MAMLD1: variants seen among roughly 807,000 people sequenced by gnomAD.
MAMLD1 encodes the protein mastermind like domain containing 1.
In MAMLD1, 14 loss-of-function variants were observed where a neutral mutation model predicts 45.0. The observed-to-expected ratio is 0.31, with a 90% CI of 0.21 to 0.49. The LOEUF is 0.49. Among genes scored for constraint, MAMLD1 ranks in the 20% least tolerant of loss-of-function variants. MAMLD1 has a pLI of 0.99. For missense variants in MAMLD1, 543 were observed against 603.6 expected (o/e 0.90, Z 1.05); for synonymous variants, 254 against 247.8 (o/e 1.02, Z -0.24).
chrX:150,434,536 A>G (rs1557404199), intron 1 of MAMLD1, among the ~76,000 whole-genome samples: 1 of 111,185 alleles, frequency 9.0e-6, no homozygotes, highest in East Asian at 2.8e-4. Flanking sequence ...TAACTTTTTG[A>G]TGTGGACACT....
intron 5 of MAMLD1, among the ~76,000 whole-genome samples, chrX:150,487,033 G>A (rs2037012939): frequency 8.9e-6 from 1 of 111,785 alleles, no homozygotes; most frequent in South Asian, 3.8e-4. Context: ...CAGAGTTTCT[G>A]ACTCCACAGA....
intron 6 of MAMLD1, 47 bp from the exon 7 acceptor site, chrX:150,509,915 T>G (rs1557409038): frequency 2.1e-6 from 2 of 942,681 alleles, no homozygotes; most frequent in Non-Finnish European, 3.1e-6. Context: ...AGGCTAATTA[T>G]TAATTGGTAG....
Position 150,512,393 on chromosome X carries a change from CCCA to C in MAMLD1, c.*436_*438del. On this transcript the variant is annotated 3_prime_UTR_variant, in exon 8 of 8. Coordinates refer to ENST00000370401, the MANE Select transcript of MAMLD1 (RefSeq NM_005491.5). ...CAGACGGCCTAGTGTGCCAAGAATGCCCACTGCGTTCAACAATGCTGCATGGGT... is the reference window on the plus strand; with the variant it reads ...CAGACGGCCTAGTGTGCCAAGAATGCCTGCGTTCAACAATGCTGCATGGGT... 1 of 1,145,615 alleles carries C rather than the reference CCCA, an allele frequency of 8.7e-7. No homozygotes were observed. 94.4% of individuals were successfully genotyped at this position (1,145,615 alleles called of 1,213,427 possible).
chrX:150,510,480 T>C (rs1557409076), intron 7 of MAMLD1, among the ~76,000 whole-genome samples: 2 of 111,687 alleles, frequency 1.8e-5, no homozygotes, highest in Admixed American at 9.5e-5. Context: ...GGAAAAGGGG[T>C]TGGGGAGGCT....
At chrX:150,450,815 T>C (rs1226095090) in intron 2 of MAMLD1, among the ~76,000 whole-genome samples, 2 of 112,290 alleles carry the variant, frequency 1.8e-5, no homozygotes, top group African/African-American at 6.5e-5. Context: ...GAGACCTGAA[T>C]CTGTAATGTA....
rs782348328 is a variant in MAMLD1, at chrX:150,431,441, G to A, written c.-63-14013G>A. Among the ~76,000 whole-genome samples, 12 of 108,765 alleles carry A rather than the reference G, an allele frequency of 1.1e-4. No homozygotes were observed. In the East Asian group the frequency reaches 3.5e-3, roughly 31 times the overall value. 94.4% of individuals were successfully genotyped at this position (108,765 alleles called of 115,157 possible). A position where few individuals can be genotyped will look rare whatever the true frequency, so the allele number is the denominator to read the frequency against. On this transcript the variant is annotated intron_variant, in intron 1 of 7. Coordinates refer to ENST00000370401, the MANE Select transcript of MAMLD1 (RefSeq NM_005491.5). ...TTTTTAAAAAAAAATTAGGTCAAGG[G>A]GTACATGTGCGGGTTTGATATATAG...
At chrX:150,385,277 T>TACACACACACACACACAC (rs3066918) in intron 1 of MAMLD1, among the ~76,000 whole-genome samples, 4 of 94,047 alleles carry the variant, frequency 4.3e-5, no homozygotes, top group East Asian at 3.3e-4. Context: ...TGAACAATAC[T>TACACACACACACACACAC]ACACACACAC....
In MAMLD1 at chrX:150,470,585, C is replaced by T; in HGVS notation, c.1012C>T (p.Pro338Ser). ...WSGLPPPGLS[P>S]PYRPVPSPHP... The stretch of plus-strand genomic sequence containing the variant: ...TGGTCTGCCTCCTCCAGGACTCTCT[C>T]CACCTTACCGCCCAGTGCCATCACC... Residue 338 changes from proline to serine, a missense_variant, in exon 4 of 8, where the codon CCA (proline) becomes TCA (serine). Physicochemically the swap from Pro to Ser is moderately conservative, Grantham distance 74. Coordinates refer to ENST00000370401, the MANE Select transcript of MAMLD1 (RefSeq NM_005491.5). 3.3e-6 allele frequency: 4 copies of T among 1,211,838 alleles called. No homozygotes were observed. Among genetic ancestry groups the T allele is most frequent in the Middle Eastern group, 4.6e-4 (2 of 4,352 alleles).
Position 150,512,319 on chromosome X carries a change from G to C in MAMLD1, c.*360G>C, listed in dbSNP as rs1490266841. 2 of 1,127,932 alleles carry C rather than the reference G, an allele frequency of 1.8e-6. No homozygotes were observed. Among genetic ancestry groups the C allele is most frequent in the South Asian group, 4.2e-5 (2 of 48,163 alleles). The allele number at this position is 1,127,932 out of a possible 1,213,427, so 93.0% of individuals were successfully genotyped here. A position where few individuals can be genotyped will look rare whatever the true frequency, so the allele number is the denominator to read the frequency against. ...ACCCCACCAGAAGTGCCCCTGCCTG[G>C]GTTCTGTCCCAGCTCCCTGGGCACC... On this transcript the variant is annotated 3_prime_UTR_variant, in exon 8 of 8. Transcript: ENST00000370401.
intron 1 of MAMLD1, among the ~76,000 whole-genome samples, chrX:150,367,113 G>A (rs1365074838): frequency 2.7e-5 from 3 of 109,353 alleles, no homozygotes; most frequent in African/African-American, 1.0e-4. Flanking sequence ...AAGCCTTTAG[G>A]AGATACAAGG....
At chrX:150,506,807 C>T (rs1557408853) in intron 6 of MAMLD1, among the ~76,000 whole-genome samples, 1 of 112,551 alleles carries the variant, frequency 8.9e-6, no homozygotes, top group African/African-American at 3.2e-5. Context: ...TGCCAGCAGG[C>T]AGTGGTGGAG....
intron 1 of MAMLD1, among the ~76,000 whole-genome samples, chrX:150,378,877 G>C (rs2032461375): frequency 9.0e-6 from 1 of 110,814 alleles, no homozygotes. Flanking sequence ...ATCTGCTCCA[G>C]GCTCATCTTG....
chrX:150,457,793 A>G (rs1970235683), intron 2 of MAMLD1, among the ~76,000 whole-genome samples: 3 of 112,369 alleles, frequency 2.7e-5, no homozygotes, highest in African/African-American at 9.7e-5. Context: ...GACAGAGGGT[A>G]GATAAATGTG....
At chrX:150,387,722 A>G (rs2032998807) in intron 1 of MAMLD1, among the ~76,000 whole-genome samples, 1 of 111,482 alleles carries the variant, frequency 9.0e-6, no homozygotes, top group African/African-American at 3.3e-5. Context: ...TAGCTTTCTG[A>G]GATTTTTTTT....
chrX:150,364,316 T>G (rs983501110), intron 1 of MAMLD1, among the ~76,000 whole-genome samples: 17 of 113,211 alleles, frequency 1.5e-4, no homozygotes, highest in African/African-American at 5.1e-4. Flanking sequence ...CAATGCAGTG[T>G]GTCCGAAGCC....
intron 3 of MAMLD1, among the ~76,000 whole-genome samples, chrX:150,467,871 T>C (rs1479045064): frequency 8.9e-6 from 1 of 112,245 alleles, no homozygotes; most frequent in African/African-American, 3.2e-5. Flanking sequence ...ACCTGCCCTT[T>C]ATAATGCCGG....
In MAMLD1 at chrX:150,455,784, T is replaced by C. The variant is rs1159314189; in HGVS notation, c.97-6988T>C. On this transcript the variant is annotated intron_variant, in intron 2 of 7. Coordinates refer to ENST00000370401, the MANE Select transcript of MAMLD1 (RefSeq NM_005491.5). ...GGTTTTCTTCTTCTTCTTCTTCTTTTTTTTTTTTTTGTATAATCAGATTAT... is the reference window on the plus strand; with the variant it reads ...GGTTTTCTTCTTCTTCTTCTTCTTTCTTTTTTTTTTGTATAATCAGATTAT... Among the ~76,000 whole-genome samples, 234 of 108,326 alleles carry C rather than the reference T, an allele frequency of 2.2e-3. 1 individual carries two copies. Among genetic ancestry groups the C allele is most frequent in the African/African-American group, 6.7e-3 (199 of 29,763 alleles). The allele number at this position is 108,326 out of a possible 115,157, so 94.1% of individuals were successfully genotyped here.
At position 150,503,341 on chromosome X, in the gene MAMLD1, C is replaced by T; in HGVS notation, c.2108C>T (p.Pro703Leu). The T allele has an allele frequency of 8.3e-7, 1 of 1,211,915 alleles. No individual in the cohort carries two copies. Among genetic ancestry groups the T allele is most frequent in the East Asian group, 3.0e-5 (1 of 33,847 alleles). Residue 703 changes from proline to leucine, a missense_variant, in exon 6 of 8, where the codon CCC (proline) becomes CTC (leucine). By Grantham distance (98) the Pro-to-Leu change is moderately conservative. Transcript: ENST00000370401. ...RHPQVSLGRQPPSCQALGSES... is the reference protein window; with the variant it reads ...RHPQVSLGRQLPSCQALGSES... The stretch of plus-strand genomic sequence containing the variant: ...CCCCAGGTCAGCCTCGGGCGACAGC[C>T]CCCGTCCTGCCAGGCCCTGGGGAGT...
At chrX:150,482,004 G>GAAAGAAAGAAAT (rs1235794755) in intron 5 of MAMLD1, among the ~76,000 whole-genome samples, 2 of 106,094 alleles carry the variant, frequency 1.9e-5, no homozygotes, top group East Asian at 5.9e-4. Flanking sequence ...AAGAAAGAAA[G>GAAAGAAAGAAAT]AAAGAAAGAA....
Sources: allele counts gnomAD v4.1 joint callset (sites outside exome capture counted in the v4.1 genomes callset), GRCh38; gene constraint gnomAD v4.1.1; transcripts MANE v1.5; gene names NCBI Gene and HGNC (gene_info 2026-07-23, HGNC 2026-07-21).